BEAN1: variants seen among roughly 807,000 people sequenced by gnomAD.
The protein encoded by BEAN1 is protein BEAN1.
A neutral mutation model predicts 17.7 loss-of-function variants in BEAN1; 17 were observed. The ratio of observed to expected loss-of-function variants is 0.96; its 90% CI spans 0.66 to 1.44. The LOEUF (loss-of-function observed/expected upper bound fraction) is 1.44. Among genes scored for constraint, BEAN1 ranks in the 40% most tolerant of loss-of-function variants. The pLI is 0.00. For missense variants in BEAN1, 359 were observed against 374.1 expected (o/e 0.96, Z 0.33); for synonymous variants, 142 against 151.8 (o/e 0.94, Z 0.47).
At chr16:66,492,684 G>A (rs962633655) in intron 4 of BEAN1, among the ~76,000 whole-genome samples, 2 of 151,610 alleles carry the variant, frequency 1.3e-5, no homozygotes, top group Non-Finnish European at 1.5e-5. Flanking sequence ...CAGGTGATCC[G>A]CCCTCCTTGG....
At chr16:66,448,765 G>T (rs1962553953) in intron 2 of BEAN1, among the ~76,000 whole-genome samples, 1 of 152,230 alleles carries the variant, frequency 6.6e-6, no homozygotes, top group Non-Finnish European at 1.5e-5. Context: ...AGAGGTTGCG[G>T]TGAGCCGAGA....
At chr16:66,446,860 A>G (rs1045131241) in intron 2 of BEAN1, among the ~76,000 whole-genome samples, 2 of 152,162 alleles carry the variant, frequency 1.3e-5, no homozygotes, top group African/African-American at 2.4e-5. Flanking sequence ...ACCCTAAATT[A>G]GCTACCCTGA....
At chr16:66,432,958 T>C (rs1411586561) in intron 1 of BEAN1, among the ~76,000 whole-genome samples, 1 of 152,232 alleles carries the variant, frequency 6.6e-6, no homozygotes, top group Non-Finnish European at 1.5e-5. Flanking sequence ...GCTTCTGTTT[T>C]TCCTGTACTG....
chr16:66,476,968 G>T (rs1963773667), intron 3 of BEAN1, among the ~76,000 whole-genome samples: 1 of 152,104 alleles, frequency 6.6e-6, no homozygotes, highest in Non-Finnish European at 1.5e-5. Flanking sequence ...AGGGCAGTGA[G>T]TGTGGGAGGG....
At chr16:66,449,522 T>G (rs1472601397) in intron 2 of BEAN1, among the ~76,000 whole-genome samples, 4 of 147,010 alleles carry the variant, frequency 2.7e-5, no homozygotes, top group Non-Finnish European at 5.9e-5. Context: ...CAGGAGAATC[T>G]CTTGAACCCA....
At chr16:66,472,089 CA>C (rs761362159) in intron 3 of BEAN1, among the ~76,000 whole-genome samples, 2 of 152,238 alleles carry the variant, frequency 1.3e-5, no homozygotes, top group Non-Finnish European at 2.9e-5. Context: ...CCCTGACTGC[CA>C]TTCCCTGGCC....
intron 4 of BEAN1, among the ~76,000 whole-genome samples, chr16:66,479,455 T>C (rs1963901188): frequency 6.7e-6 from 1 of 149,806 alleles, no homozygotes; most frequent in Admixed American, 6.6e-5. Context: ...GTCCAGTGCC[T>C]GGACAGGGCT....
At chr16:66,487,408 G>C (rs1038615364), downstream of BEAN1, among the ~76,000 whole-genome samples, 1 of 152,138 alleles carries the variant, frequency 6.6e-6, no homozygotes, top group African/African-American at 2.4e-5. Context: ...GCTGACTCCT[G>C]TCCAGGTGGT....
At chr16:66,440,926 C>T (rs1441302918) in intron 2 of BEAN1, among the ~76,000 whole-genome samples, 2 of 152,184 alleles carry the variant, frequency 1.3e-5, no homozygotes, top group Non-Finnish European at 2.9e-5. Context: ...TCCTATCATA[C>T]ATCCATCACT....
rs35075494 is a variant in BEAN1 at position 66,455,688 on chromosome 16, C to CTT, written c.26-13899_26-13898dup. ...CAGCAACACGCTTATAATAAAGCTA[C>CTT]TTTTTTTTTTTTTTTTGAAACAGAG... On this transcript the variant is annotated intron_variant, in intron 2 of 4. Transcript: ENST00000536005. Among the ~76,000 whole-genome samples, 348 of 143,728 alleles carry CTT rather than the reference C, an allele frequency of 2.4e-3. 3 individuals carry two copies. Among genetic ancestry groups the CTT allele is most frequent in the African/African-American group, 8.0e-3 (311 of 39,044 alleles). 94.3% of individuals were successfully genotyped at this position (143,728 alleles called of 152,430 possible). A position where few individuals can be genotyped will look rare whatever the true frequency, so the allele number is the denominator to read the frequency against.
rs536836045 is a variant in BEAN1 at position 66,449,383 on chromosome 16, A to C, written c.25+11682A>C. ...AGCACTTTGGGAGACCAATGCGGGC[A>C]GATCACCTGAGATCGGGAGTTCGAG... On this transcript the variant is annotated intron_variant, in intron 2 of 4. Coordinates refer to ENST00000536005, the MANE Select transcript of BEAN1 (RefSeq NM_001178020.3). Among the ~76,000 whole-genome samples the C allele has an allele frequency of 6.5e-4, 99 of 152,270 alleles. 1 individual carries two copies. In the South Asian group the frequency reaches 8.5e-3, roughly 13 times the overall value.
At chr16:66,485,238 T>C (rs747538456), downstream of BEAN1, 1 of 387,832 alleles carries the variant, frequency 2.6e-6, no homozygotes, top group Non-Finnish European at 5.2e-6. Flanking sequence ...CACACTCACA[T>C]GTAGCATCCC....
At chr16:66,451,602 T>G (rs1430218413) in intron 2 of BEAN1, among the ~76,000 whole-genome samples, 2 of 152,254 alleles carry the variant, frequency 1.3e-5, no homozygotes, top group Admixed American at 6.5e-5. Context: ...TCTTTAAATT[T>G]TGAATATTTG....
intron 2 of BEAN1, among the ~76,000 whole-genome samples, chr16:66,459,480 A>G (rs1468802699): frequency 6.6e-6 from 1 of 151,996 alleles, no homozygotes; most frequent in Non-Finnish European, 1.5e-5. Flanking sequence ...CCACCATGCA[A>G]GGCTAATTTT....
chr16:66,437,991 C>A, intron 2 of BEAN1: 1 of 526,746 alleles, frequency 1.9e-6, no homozygotes, highest in Non-Finnish European at 3.4e-6. Flanking sequence ...CACACACCCA[C>A]ACACAAATAA....
At position 66,448,567 on chromosome 16, in the gene BEAN1, A is replaced by G. The variant is rs565358848; in HGVS notation, c.25+10866A>G. ...CTGGGTGCGGTGGCTCACACCTGTA[A>G]TCCCAGCACTTTGGGAGGCTGAGGC... On this transcript the variant is annotated intron_variant, in intron 2 of 4. Transcript: ENST00000536005. Among the ~76,000 whole-genome samples, 192 of 152,356 alleles carry G rather than the reference A, an allele frequency of 1.3e-3. 3 individuals carry two copies. Among genetic ancestry groups the G allele is most frequent in the Non-Finnish European group, 1.7e-3 (114 of 68,026 alleles).
At chr16:66,477,967 T>A in intron 4 of BEAN1, 5 of 346,164 alleles carry the variant, frequency 1.4e-5, no homozygotes, top group Non-Finnish European at 2.6e-5. Flanking sequence ...TGAGTAGGCA[T>A]GCCGGGAATG....
intron 3 of BEAN1, among the ~76,000 whole-genome samples, chr16:66,476,028 T>C (rs1431541001): frequency 1.3e-5 from 2 of 148,894 alleles, no homozygotes; most frequent in Non-Finnish European, 1.5e-5. Context: ...GAGAATGGCG[T>C]GGACCCCGGA....
rs972074758 is a variant in BEAN1 at position 66,473,560 on chromosome 16, G to A, written c.289+3695G>A. On this transcript the variant is annotated intron_variant, in intron 3 of 4. Transcript: ENST00000536005. The surrounding 1 kb of genome is among the most constrained non-coding windows in gnomAD (Gnocchi z 4.5). ...ACATGAAAGCGGCACCACCAGGCGC[G>A]GTGCCTCACACCTATAATCCCAGCA... Among the ~76,000 whole-genome samples, 9 of 151,864 alleles carry A rather than the reference G, an allele frequency of 5.9e-5. No homozygotes were observed. Among genetic ancestry groups the A allele is most frequent in the Non-Finnish European group, 7.4e-5 (5 of 67,954 alleles).
Sources: gnomAD v4.1 joint callset for allele counts (sites outside exome capture counted in the v4.1 genomes callset) on GRCh38, gnomAD v4.1.1 for gene constraint, Gnocchi (gnomAD v3.1) non-coding constraint, MANE v1.5 for transcripts, NCBI Gene and HGNC (gene_info 2026-07-23, HGNC 2026-07-21) for gene names.